MOB1B: variants seen among roughly 807,000 people sequenced by gnomAD.
MOB1B encodes MOB kinase activator 1B.
Under a neutral mutation model 24.4 loss-of-function variants are expected in MOB1B, and 19 were observed. The observed-to-expected ratio is 0.78, with a 90% CI of 0.54 to 1.14. The LOEUF is 1.14. MOB1B is among the 50% of genes most tolerant of loss of function. MOB1B has a pLI of 0.00. For synonymous variants in MOB1B, 76 were observed against 82.1 expected, an observed-to-expected ratio of 0.93 and a Z score of 0.40; for missense variants, 243 against 259.6, an observed-to-expected ratio of 0.94 and a Z score of 0.44.
intron 1 of MOB1B, among the ~76,000 whole-genome samples, chr4:70,958,342 T>G (rs1405706640): frequency 2.0e-5 from 3 of 151,880 alleles, no homozygotes; most frequent in Non-Finnish European, 4.4e-5. Context: ...TTTTTTTGCA[T>G]TTTTAGTAGA....
At chr4:70,961,844 T>C (rs888278562) in intron 2 of MOB1B, among the ~76,000 whole-genome samples, 1 of 152,188 alleles carries the variant, frequency 6.6e-6, no homozygotes, top group African/African-American at 2.4e-5. Context: ...AGGGAATTAT[T>C]GATAAGATCT....
intron 1 of MOB1B, among the ~76,000 whole-genome samples, chr4:70,956,373 C>T (rs2148892629): frequency 6.6e-6 from 1 of 152,196 alleles, no homozygotes; most frequent in Non-Finnish European, 1.5e-5. Context: ...GGCGATCCTC[C>T]CACCTCGGCC....
At chr4:70,972,205 G>GT (rs1269604769) in intron 3 of MOB1B, among the ~76,000 whole-genome samples, 3 of 151,926 alleles carry the variant, frequency 2.0e-5, no homozygotes, top group Non-Finnish European at 4.4e-5. Flanking sequence ...CTCAGATACT[G>GT]TTTTTTTATT....
chr4:70,935,559 G>A (rs1480456109), intron 1 of MOB1B, among the ~76,000 whole-genome samples: 1 of 152,144 alleles, frequency 6.6e-6, no homozygotes, highest in Non-Finnish European at 1.5e-5. Flanking sequence ...TCCCGACACT[G>A]CTTAATCTGA....
intron 1 of MOB1B, among the ~76,000 whole-genome samples, chr4:70,951,565 A>C (rs920247630): frequency 2.7e-4 from 41 of 152,330 alleles, no homozygotes; most frequent in African/African-American, 8.4e-4. Flanking sequence ...TATTAATGTG[A>C]TACCTCTAAT....
intron 2 of MOB1B, among the ~76,000 whole-genome samples, chr4:70,965,000 A>G (rs71599978): frequency 6.6e-6 from 1 of 151,972 alleles, no homozygotes; most frequent in East Asian, 1.9e-4. Context: ...AAAGAAACAT[A>G]CAATAAAGGG....
intron 1 of MOB1B, among the ~76,000 whole-genome samples, chr4:70,942,231 G>C (rs1288257974): frequency 6.6e-6 from 1 of 152,038 alleles, no homozygotes; most frequent in Non-Finnish European, 1.5e-5. Flanking sequence ...TATAACTTTT[G>C]TGTACATATT....
rs754769122 is a variant in MOB1B, at chr4:70,982,066, A to G, written c.*9A>G. 6.3e-7 allele frequency: 1 copy of G among 1,595,946 alleles called. No homozygotes were observed. The highest frequency in any genetic ancestry group is 8.6e-7 in the Non-Finnish European group (1 of 1,164,382). On this transcript the variant is annotated 3_prime_UTR_variant, in exon 6 of 6. Coordinates refer to ENST00000309395, the MANE Select transcript of MOB1B (RefSeq NM_173468.4). Reference sequence around the variant, plus strand: ...CCTCAAAAGACAGATAAAAGGATGCAGAGCTGTGCAAATTGTTCCTCAAAT... The same window carrying G: ...CCTCAAAAGACAGATAAAAGGATGCGGAGCTGTGCAAATTGTTCCTCAAAT...
At chr4:70,965,596 G>A (rs189429130) in intron 2 of MOB1B, among the ~76,000 whole-genome samples, 40 of 150,930 alleles carry the variant, frequency 2.7e-4, no homozygotes, top group Admixed American at 2.4e-3. Flanking sequence ...AGGAGATCGA[G>A]AGCATCCTGG....
At chr4:70,941,542 T>C (rs1737341164) in intron 1 of MOB1B, among the ~76,000 whole-genome samples, 1 of 151,964 alleles carries the variant, frequency 6.6e-6, no homozygotes, top group Admixed American at 6.6e-5. Context: ...GGGGTTTCAC[T>C]GTGTTGGCCA....
At chr4:70,919,193 G>A (rs2148872108) in intron 1 of MOB1B, among the ~76,000 whole-genome samples, 1 of 151,984 alleles carries the variant, frequency 6.6e-6, no homozygotes, top group African/African-American at 2.4e-5. Context: ...AGCATTAGGA[G>A]ATATACCTAA....
At chr4:70,961,055 CTG>C (rs1421043234) in intron 2 of MOB1B, among the ~76,000 whole-genome samples, 1 of 152,112 alleles carries the variant, frequency 6.6e-6, no homozygotes, top group African/African-American at 2.4e-5. Context: ...CTTCTGTACA[CTG>C]TGTTTTTTCC....
chr4:70,972,312 CA>C (rs1196925247), intron 3 of MOB1B, among the ~76,000 whole-genome samples: 1 of 152,018 alleles, frequency 6.6e-6, no homozygotes, highest in Non-Finnish European at 1.5e-5. Context: ...ATCCTAGGTT[CA>C]AGAGATCTTC....
chr4:70,923,440 C>T (rs1293696597), intron 1 of MOB1B, among the ~76,000 whole-genome samples: 2 of 152,082 alleles, frequency 1.3e-5, no homozygotes, highest in African/African-American at 4.8e-5. Flanking sequence ...TGGGCTCAAG[C>T]GAACTGCCCG....
intron 2 of MOB1B, among the ~76,000 whole-genome samples, chr4:70,965,594 G>A (rs1199498279): frequency 6.6e-6 from 1 of 150,590 alleles, no homozygotes; most frequent in African/African-American, 2.4e-5. Flanking sequence ...TCAGGAGATC[G>A]AGAGCATCCT....
intron 1 of MOB1B, among the ~76,000 whole-genome samples, chr4:70,943,733 A>C (rs1458872075): frequency 6.6e-6 from 1 of 152,142 alleles, no homozygotes; most frequent in Non-Finnish European, 1.5e-5. Flanking sequence ...CGTGTACCTA[A>C]ATGGGTTTAT....
At chr4:70,973,002 T>C (rs368773147) in intron 3 of MOB1B, among the ~76,000 whole-genome samples, 3,317 of 152,092 alleles carry the variant, frequency 0.022, 128 homozygotes, top group African/African-American at 0.075. Context: ...CTTGATCTCC[T>C]GACCTCATGA....
At chr4:70,950,060 G>A (rs996070414) in intron 1 of MOB1B, among the ~76,000 whole-genome samples, 2 of 152,126 alleles carry the variant, frequency 1.3e-5, no homozygotes, top group African/African-American at 2.4e-5. Flanking sequence ...TTAAAATGTG[G>A]TGAAAAAGGG....
chr4:70,936,055 T>G (rs1256362000), intron 1 of MOB1B, among the ~76,000 whole-genome samples: 4 of 151,836 alleles, frequency 2.6e-5, no homozygotes, highest in African/African-American at 7.2e-5. Flanking sequence ...GTTTCACCGT[T>G]TTAGCTGGGA....
Sources: allele counts gnomAD v4.1 joint callset (sites outside exome capture counted in the v4.1 genomes callset), GRCh38; gene constraint gnomAD v4.1.1; transcripts MANE v1.5; gene names NCBI Gene and HGNC (gene_info 2026-07-23, HGNC 2026-07-21).